Variants in DNAJA4 observed in about 807,000 individuals in gnomAD.
The protein encoded by DNAJA4 is dnaJ homolog subfamily A member 4.
A neutral mutation model predicts 39.7 loss-of-function variants in DNAJA4; 32 were observed. The ratio of observed to expected loss-of-function variants is 0.81; its 90% CI spans 0.61 to 1.08. The LOEUF (loss-of-function observed/expected upper bound fraction) is 1.08, where lower values mean the gene tolerates loss of function less well. Among genes scored for constraint, DNAJA4 ranks in the 50% least tolerant of loss-of-function variants. DNAJA4 has a pLI of 0.00. For missense variants in DNAJA4, 439 were observed against 505.1 expected, an observed-to-expected ratio of 0.87 and a Z score of 1.25; for synonymous variants, 184 against 182.4, an observed-to-expected ratio of 1.01 and a Z score of -0.07.
intron 3 of DNAJA4, among the ~76,000 whole-genome samples, chr15:78,273,840 C>T (rs1297050585): frequency 1.3e-5 from 2 of 152,312 alleles, no homozygotes; most frequent in Admixed American, 6.5e-5. Context: ...TGGGTAGCTG[C>T]CACTATTGAC....
intron 1 of DNAJA4, among the ~76,000 whole-genome samples, chr15:78,268,748 A>G (rs1166333478): frequency 2.6e-5 from 4 of 152,216 alleles, no homozygotes; most frequent in Non-Finnish European, 4.4e-5. Flanking sequence ...TGCCTTCTAC[A>G]TGCCAGGCAT....
intron 1 of DNAJA4, chr15:78,266,349 C>T: frequency 6.5e-7 from 1 of 1,534,800 alleles, no homozygotes; most frequent in Middle Eastern, 1.7e-4. Flanking sequence ...TGTTCTGAAG[C>T]TTTTATTTTT....
At chr15:78,273,068 C>T (rs755839524) in intron 2 of DNAJA4, 27 bp from the exon 3 acceptor site, 2 of 1,294,232 alleles carry the variant, frequency 1.5e-6, no homozygotes, top group Admixed American at 3.5e-5. Context: ...CATTCAACGC[C>T]ACTAATTTTT....
chr15:78,270,519 A>G lies in DNAJA4; in HGVS notation c.155A>G (p.Tyr52Cys). Residue 52 changes from tyrosine (Y) to cysteine (C), a missense_variant, in exon 2 of 7, where the codon TAT becomes TGT. By Grantham distance (194) the Tyr-to-Cys change is radical (BLOSUM62 -2). Transcript: ENST00000394852. ...GEKFKLISQA[Y>C]EVLSDPKKRD... ...AAGTTTAAACTCATATCCCAGGCAT[A>G]TGAAGTGCTTTCAGATCCAAAGAAA... 6.2e-7 allele frequency: 1 copy of G among 1,614,048 alleles called. No individual in the cohort carries two copies. Among genetic ancestry groups the G allele is most frequent in the Non-Finnish European group, 8.5e-7 (1 of 1,179,972 alleles).
Position 78,264,643 on chromosome 15 carries a change from G to GGCA in DNAJA4, c.-121_-120insGCA, listed in dbSNP as rs2049066150. On this transcript the variant is annotated 5_prime_UTR_variant, in exon 1 of 7. Coordinates refer to ENST00000394852, the MANE Select transcript of DNAJA4 (RefSeq NM_001130182.2). ...AGCTACAAGCGGCGGCGGCGGCGGCGACCGTGACCGTGACGCGCGAGCGGG... is the reference window on the plus strand; with the variant it reads ...AGCTACAAGCGGCGGCGGCGGCGGCGGCAACCGTGACCGTGACGCGCGAGCGGG... 2 of 1,015,142 alleles carry GGCA rather than the reference G, an allele frequency of 2.0e-6. No individual in the cohort carries two copies. The highest frequency in any genetic ancestry group is 8.9e-5 in the South Asian group (2 of 22,404). The allele number at this position is 1,015,142 out of a possible 1,614,324, so 62.9% of individuals were successfully genotyped here. A position where few individuals can be genotyped will look rare whatever the true frequency, so the allele number is the denominator to read the frequency against.
intron 1 of DNAJA4, among the ~76,000 whole-genome samples, chr15:78,265,127 G>C (rs1400731654): frequency 6.6e-6 from 1 of 152,198 alleles, no homozygotes; most frequent in Non-Finnish European, 1.5e-5. Context: ...TGGGTCCCTC[G>C]CGAGTCCCTG....
chr15:78,264,555 T>G (rs1277900394), upstream of DNAJA4: 7 of 1,173,620 alleles, frequency 6.0e-6, no homozygotes, highest in African/African-American at 1.6e-5. Flanking sequence ...GAGGAGCCGG[T>G]GGCTCTAGTG....
In DNAJA4 at chr15:78,282,026, C is replaced by G. The variant is rs746258788; in HGVS notation, c.*1566C>G. The G allele has an allele frequency of 6.6e-6, 1 of 152,192 alleles. No homozygotes were observed. The highest frequency in any genetic ancestry group is 1.5e-5 in the Non-Finnish European group (1 of 68,028). The allele number at this position is 152,192 out of a possible 1,614,324, so 9.4% of individuals were successfully genotyped here. On this transcript the variant is annotated 3_prime_UTR_variant, in exon 7 of 7. Coordinates refer to ENST00000394852, the MANE Select transcript of DNAJA4 (RefSeq NM_001130182.2). ...ACAACTCTGGGGTGTCGTTTTTGTG[C>G]TGTGACTTCCTAATTATTGCTAAAG...
At chr15:78,265,780 A>G in intron 1 of DNAJA4, 1 of 656,690 alleles carries the variant, frequency 1.5e-6, no homozygotes, top group Non-Finnish European at 2.8e-6. Flanking sequence ...GTTGTTCCGC[A>G]TGGGTCTTGA....
chr15:78,270,191 G>C (rs574410088), intron 1 of DNAJA4: 4 of 246,382 alleles, frequency 1.6e-5, no homozygotes, highest in Non-Finnish European at 3.1e-5. Context: ...TGGTATCCTA[G>C]CTGGTCTCGA....
chr15:78,272,165 T>G (rs1302046259), intron 2 of DNAJA4, among the ~76,000 whole-genome samples: 1 of 151,954 alleles, frequency 6.6e-6, no homozygotes, highest in Non-Finnish European at 1.5e-5. Context: ...TGAAACCCCG[T>G]CTCTACTAAA....
intron 2 of DNAJA4, among the ~76,000 whole-genome samples, 188 bp downstream of exon 2, chr15:78,270,865 C>T (rs559526563): frequency 3.9e-5 from 6 of 151,970 alleles, no homozygotes; most frequent in Middle Eastern, 3.4e-3. Context: ...CAAGACCAAC[C>T]GGGGCAACAT....
At chr15:78,272,101 C>T (rs974458082) in intron 2 of DNAJA4, among the ~76,000 whole-genome samples, 1 of 152,110 alleles carries the variant, frequency 6.6e-6, no homozygotes, top group Admixed American at 6.6e-5. Context: ...CTTTGGGAGG[C>T]CGAGGTGGGT....
chr15:78,275,677 A>G lies in DNAJA4; in HGVS notation c.826A>G (p.Lys276Glu). Residue 276 changes from lysine (K) to glutamate (E), a missense_variant, in exon 5 of 7, where the codon AAG becomes GAG. Coordinates refer to ENST00000394852, the MANE Select transcript of DNAJA4 (RefSeq NM_001130182.2). ...QLSEALCGFK[K>E]TIKTLDNRIL... ...TTCTGAAGCTCTTTGTGGCTTCAAG[A>G]AGACGATAAAAACATTGGACAATCG... 1 of 1,614,008 alleles carries G rather than the reference A, an allele frequency of 6.2e-7. No homozygotes were observed. The highest frequency in any genetic ancestry group is 8.5e-7 in the Non-Finnish European group (1 of 1,179,990).
At chr15:78,266,224 C>A in intron 1 of DNAJA4, 1 of 1,613,792 alleles carries the variant, frequency 6.2e-7, no homozygotes, top group Non-Finnish European at 8.5e-7. Flanking sequence ...TTTCACATTT[C>A]AGCAAGCTGG....
Position 78,274,387 on chromosome 15 carries a change from C to A in DNAJA4, c.609C>A (p.Ile203=). The A allele has an allele frequency of 6.2e-7, 1 of 1,614,152 alleles. No homozygotes were observed. Among genetic ancestry groups the A allele is most frequent in the Non-Finnish European group, 8.5e-7 (1 of 1,180,028 alleles). ...RCESCSGAKV[I]REKKIIEVHV... ...AGAGCTGCAGCGGGGCCAAGGTGAT[C>A]CGTGAGAAGAAGATTATCGAGGTAC... The change falls in exon 4 of 7, where the codon ATC becomes ATA. Residue 203 remains isoleucine, a synonymous_variant. Transcript: ENST00000394852.
upstream of DNAJA4, chr15:78,264,364 G>A (rs752830754): frequency 2.1e-6 from 3 of 1,449,238 alleles, no homozygotes; most frequent in Non-Finnish European, 1.8e-6. Context: ...CAGACGGGCA[G>A]CCAAAGGAGC....
In DNAJA4 at chr15:78,280,089, G is replaced by A. The variant is rs1023807052; in HGVS notation, c.922G>A (p.Gly308Arg). The change falls in exon 6 of 7, where the codon GGA becomes AGA. Residue 308 changes from glycine to arginine, a missense_variant. By Grantham distance (125) the Gly-to-Arg change is moderately radical (BLOSUM62 -2). Coordinates refer to ENST00000394852, the MANE Select transcript of DNAJA4 (RefSeq NM_001130182.2). The stretch of plus-strand genomic sequence containing the variant: ...GGACCTGAGATGCGTGCGCGATGAA[G>A]GAATGCCCATCTACAAAGCACCCCT... ...HGDLRCVRDE[G>R]MPIYKAPLEK... is the part of the protein sequence containing the mutation. The A allele has an allele frequency of 6.2e-7, 1 of 1,614,218 alleles. No individual in the cohort carries two copies. The highest frequency in any genetic ancestry group is 1.3e-5 in the African/African-American group (1 of 75,056).
intron 2 of DNAJA4, among the ~76,000 whole-genome samples, chr15:78,272,390 C>T (rs540721291): frequency 6.6e-6 from 1 of 152,334 alleles, no homozygotes; most frequent in East Asian, 1.9e-4. Context: ...AGCTCCCTCA[C>T]TGTCTTGAGA....
Sources: allele counts gnomAD v4.1 joint callset (sites outside exome capture counted in the v4.1 genomes callset), GRCh38; gene constraint gnomAD v4.1.1; transcripts MANE v1.5; gene names NCBI Gene and HGNC (gene_info 2026-07-23, HGNC 2026-07-21).